Variants in DYNC1I2 observed in about 807,000 individuals in gnomAD.
DYNC1I2 encodes cytoplasmic dynein 1 intermediate chain 2.
Under a neutral mutation model 88.6 loss-of-function variants are expected in DYNC1I2, and 53 were observed. The ratio of observed to expected loss-of-function variants is 0.60; its 90% CI spans 0.48 to 0.75. The LOEUF (loss-of-function observed/expected upper bound fraction) is 0.75. Ranked by LOEUF, DYNC1I2 falls within the 30% of genes least tolerant of loss-of-function variation. The pLI is 0.00. For missense variants in DYNC1I2, 458 were observed against 766.6 expected (o/e 0.60, Z 4.75); for synonymous variants, 198 against 254.6 (o/e 0.78, Z 2.12).
intron 3 of DYNC1I2, among the ~76,000 whole-genome samples, chr2:171,699,092 A>T (rs112222645): frequency 6.6e-6 from 1 of 152,142 alleles, no homozygotes; most frequent in African/African-American, 2.4e-5. Context: ...GCAGATCATA[A>T]GGTCAGGAGT....
At chr2:171,733,798 T>A (rs1688811136) in intron 15 of DYNC1I2, among the ~76,000 whole-genome samples, 1 of 151,794 alleles carries the variant, frequency 6.6e-6, no homozygotes. Flanking sequence ...AGAAGCTCTT[T>A]AATTGGATCC....
chr2:171,737,879 G>T (rs1689123273), intron 15 of DYNC1I2, among the ~76,000 whole-genome samples: 1 of 151,874 alleles, frequency 6.6e-6, no homozygotes, highest in Non-Finnish European at 1.5e-5. Flanking sequence ...TGTCACGGGG[G>T]TTTGTTGTAC....
intron 6 of DYNC1I2, among the ~76,000 whole-genome samples, chr2:171,713,363 ATATAATTGTC>A (rs1484812613): frequency 1.3e-5 from 2 of 151,900 alleles, no homozygotes; most frequent in African/African-American, 4.8e-5. Flanking sequence ...AATATTCTTA[ATATAATTGTC>A]ATTGAGCCCC....
intron 3 of DYNC1I2, among the ~76,000 whole-genome samples, chr2:171,694,626 C>T (rs1429647986): frequency 6.6e-6 from 1 of 151,962 alleles, no homozygotes; most frequent in African/African-American, 2.4e-5. Context: ...TATTGCACTC[C>T]AGTGTGGGCA....
At chr2:171,726,514 G>GT in intron 10 of DYNC1I2, 1 of 548,504 alleles carries the variant, frequency 1.8e-6, no homozygotes, top group South Asian at 3.1e-5. Context: ...ATACAGGCCA[G>GT]TTTTACTAAT....
At chr2:171,690,580 TCAATTTA>T (rs1685324581) in intron 2 of DYNC1I2, among the ~76,000 whole-genome samples, 1 of 152,068 alleles carries the variant, frequency 6.6e-6, no homozygotes, top group Non-Finnish European at 1.5e-5. Context: ...TTATTAAAGT[TCAATTTA>T]CAATTTAGTC....
At chr2:171,745,384 A>G (rs770774552) in intron 16 of DYNC1I2, among the ~76,000 whole-genome samples, 12 of 152,202 alleles carry the variant, frequency 7.9e-5, no homozygotes, top group African/African-American at 1.9e-4. Flanking sequence ...ATAGAGATAC[A>G]TGCTGCACAA....
intron 3 of DYNC1I2, among the ~76,000 whole-genome samples, chr2:171,705,962 C>T (rs1686649054): frequency 6.6e-6 from 1 of 151,280 alleles, no homozygotes; most frequent in Admixed American, 6.6e-5. Context: ...TAGAATTTAC[C>T]ATTGAAAAAA....
chr2:171,690,010 T>C (rs778795870), intron 1 of DYNC1I2, 137 bp from the exon 2 acceptor site: 3 of 399,698 alleles, frequency 7.5e-6, no homozygotes, highest in Non-Finnish European at 1.4e-5. Flanking sequence ...CCCAGCCCCA[T>C]TATTTTAAAA....
chr2:171,688,455 T>C (rs1685139713), intron 1 of DYNC1I2: 1 of 152,200 alleles, frequency 6.6e-6, no homozygotes, highest in South Asian at 2.1e-4. Flanking sequence ...TTAGTGTTGG[T>C]ATATCTGTTT....
At chr2:171,719,028 C>T (rs1687725586) in intron 7 of DYNC1I2, among the ~76,000 whole-genome samples, 1 of 152,084 alleles carries the variant, frequency 6.6e-6, no homozygotes, top group South Asian at 2.1e-4. Flanking sequence ...TTATGAGTAA[C>T]CTATAGTAAG....
intron 16 of DYNC1I2, among the ~76,000 whole-genome samples, chr2:171,745,232 G>A (rs1689702523): frequency 1.3e-5 from 2 of 152,162 alleles, no homozygotes; most frequent in Non-Finnish European, 2.9e-5. Flanking sequence ...TCAGATTCCA[G>A]GGAGCTGGTG....
intron 7 of DYNC1I2, among the ~76,000 whole-genome samples, chr2:171,719,973 A>G (rs1687794722): frequency 6.6e-6 from 1 of 151,794 alleles, no homozygotes; most frequent in South Asian, 2.1e-4. Flanking sequence ...CCTTTTTAAA[A>G]GTTTTAACTC....
chr2:171,718,313 A>G (rs1687657454), intron 7 of DYNC1I2, among the ~76,000 whole-genome samples: 1 of 152,054 alleles, frequency 6.6e-6, no homozygotes, highest in Non-Finnish European at 1.5e-5. Context: ...TTTTCTAATT[A>G]CTATAGTGGT....
In DYNC1I2 at chr2:171,690,273, AT is replaced by A. The variant is rs758312570; in HGVS notation, c.108+17del. On this transcript the variant is annotated intron_variant, in intron 2 of 17. Coordinates refer to ENST00000397119, the MANE Select transcript of DYNC1I2 (RefSeq NM_001378.3). ...AAGGAAAAAAAAAGAAGTATGTTTG[AT>A]TTTTTTGCTTAAATAAACAACATAA... is the stretch of plus-strand genomic sequence containing the variant. The A allele has an allele frequency of 2.0e-6, 3 of 1,527,330 alleles. No individual in the cohort carries two copies. Among genetic ancestry groups the A allele is most frequent in the Non-Finnish European group, 1.8e-6 (2 of 1,132,074 alleles). The allele number at this position is 1,527,330 out of a possible 1,614,324, so 94.6% of individuals were successfully genotyped here. A position where few individuals can be genotyped will look rare whatever the true frequency, so the allele number is the denominator to read the frequency against.
In DYNC1I2 at chr2:171,749,805, T is replaced by C. The variant is rs1689992731; in HGVS notation, c.*1916T>C. ...TTTTTAGGAACACACAAATTTACTT[T>C]AAGGAATTACCTTTAAAGTTGACTA... On this transcript the variant is annotated 3_prime_UTR_variant, in exon 18 of 18. Coordinates refer to ENST00000397119, the MANE Select transcript of DYNC1I2 (RefSeq NM_001378.3). Among the ~76,000 whole-genome samples the C allele has an allele frequency of 6.6e-6, 1 of 152,182 alleles. No individual in the cohort carries two copies. The highest frequency in any genetic ancestry group is 1.5e-5 in the Non-Finnish European group (1 of 68,012).
At chr2:171,716,607 T>TA (rs1022159082) in intron 7 of DYNC1I2, among the ~76,000 whole-genome samples, 22 of 151,804 alleles carry the variant, frequency 1.4e-4, no homozygotes, top group Non-Finnish European at 3.1e-4. Context: ...TGCCTAAACC[T>TA]AAAAAAAAGT....
At chr2:171,720,235 T>A (rs1408623244) in intron 7 of DYNC1I2, among the ~76,000 whole-genome samples, 1 of 152,230 alleles carries the variant, frequency 6.6e-6, no homozygotes, top group East Asian at 1.9e-4. Context: ...CCATTTTTCT[T>A]ATTCCATTCC....
intron 1 of DYNC1I2, chr2:171,688,058 C>T (rs1352415858): frequency 2.6e-5 from 4 of 152,304 alleles, no homozygotes; most frequent in East Asian, 3.9e-4. Context: ...CCCTTCTCGA[C>T]CCTCCAGAGG....
Sources: gnomAD v4.1 joint callset for allele counts (sites outside exome capture counted in the v4.1 genomes callset) on GRCh38, gnomAD v4.1.1 for gene constraint, MANE v1.5 for transcripts, NCBI Gene and HGNC (gene_info 2026-07-23, HGNC 2026-07-21) for gene names.